The following PALS2 variants were observed in gnomAD, a reference collection of about 807,000 sequenced individuals.
The protein encoded by PALS2 is protein associated with LIN7 2, MAGUK p55 family member, also known as protein PALS2.
A neutral mutation model predicts 61.6 loss-of-function variants in PALS2; 27 were observed. The observed-to-expected ratio is 0.44, with a 90% CI of 0.32 to 0.60. The LOEUF (loss-of-function observed/expected upper bound fraction) is 0.60, where lower values mean the gene tolerates loss of function less well. Ranked by LOEUF, PALS2 falls within the 20% of genes least tolerant of loss-of-function variation. The probability of loss-of-function intolerance (pLI) is 0.05; values close to 1 mark genes in which losing one functional copy is unlikely to be tolerated. For missense variants in PALS2, 554 were observed against 639.4 expected (o/e 0.87, Z 1.44); for synonymous variants, 236 against 218.6 (o/e 1.08, Z -0.70).
chr7:24,607,568 CATATATGTGTGTATATATACAT>C (rs1327124248), intron 1 of PALS2, among the ~76,000 whole-genome samples: 2 of 139,362 alleles, frequency 1.4e-5, no homozygotes, highest in Non-Finnish European at 1.5e-5. Context: ...TGTATATATA[CATATATGTGTGTATATATACAT>C]ATATGTGTGT....
At chr7:24,646,142 A>G (rs1785820482) in intron 3 of PALS2, among the ~76,000 whole-genome samples, 1 of 152,022 alleles carries the variant, frequency 6.6e-6, no homozygotes, top group Admixed American at 6.6e-5. Flanking sequence ...GATGCCCTGT[A>G]TTTGTTTCTC....
chr7:24,583,651 ATATT>A (rs1157314448), intron 1 of PALS2, among the ~76,000 whole-genome samples: 1 of 130,594 alleles, frequency 7.7e-6, no homozygotes, highest in East Asian at 2.7e-4. Context: ...CCCATGCTAA[ATATT>A]TATTTAATTT....
At chr7:24,675,542 TC>T (rs1787527603) in intron 9 of PALS2, among the ~76,000 whole-genome samples, 2 of 80,464 alleles carry the variant, frequency 2.5e-5, no homozygotes, top group African/African-American at 9.6e-5. Context: ...CCCTCCCCCC[TC>T]CCCCCACCCC....
chr7:24,601,393 A>C (rs1783715603), intron 1 of PALS2, among the ~76,000 whole-genome samples: 1 of 152,094 alleles, frequency 6.6e-6, no homozygotes. Context: ...TTCAAAATCA[A>C]CTTTCAGTGC....
At chr7:24,657,766 G>GTA (rs1339689626) in intron 5 of PALS2, among the ~76,000 whole-genome samples, 2 of 151,928 alleles carry the variant, frequency 1.3e-5, no homozygotes, top group African/African-American at 4.8e-5. Flanking sequence ...AGAAGTCCTT[G>GTA]TATAACCTAA....
Position 24,623,705 on chromosome 7 carries a change from C to G in PALS2, c.38C>G (p.Ser13Trp). The G allele has an allele frequency of 6.2e-7, 1 of 1,607,132 alleles. No individual in the cohort carries two copies. Among genetic ancestry groups the G allele is most frequent in the Non-Finnish European group, 8.5e-7 (1 of 1,177,376 alleles). Residue 13 changes from serine (S) to tryptophan (W), a missense_variant, in exon 2 of 12, where the codon TCG becomes TGG. Transcript: ENST00000222644. ...QVLENLTELPSSTGAEEIDLI... is the reference protein window; with the variant it reads ...QVLENLTELPWSTGAEEIDLI... ...TTGGAAAACCTTACGGAGCTGCCCTCGTCTACTGGAGCAGAAGAAATAGAC... is the reference window on the plus strand; with the variant it reads ...TTGGAAAACCTTACGGAGCTGCCCTGGTCTACTGGAGCAGAAGAAATAGAC...
intron 11 of PALS2, 107 bp downstream of exon 11, chr7:24,680,627 G>C: frequency 7.4e-7 from 1 of 1,357,022 alleles, no homozygotes; most frequent in Non-Finnish European, 9.8e-7. Context: ...GCAGAGTTTT[G>C]CTTTGTCACC....
chr7:24,637,721 G>A (rs1785308600), intron 2 of PALS2, among the ~76,000 whole-genome samples: 2 of 152,094 alleles, frequency 1.3e-5, no homozygotes, highest in Admixed American at 1.3e-4. Flanking sequence ...AAGCATGGTT[G>A]GAGTGTCCTT....
intron 1 of PALS2, among the ~76,000 whole-genome samples, chr7:24,576,648 A>G (rs550047121): frequency 2.6e-5 from 4 of 152,358 alleles, no homozygotes; most frequent in Non-Finnish European, 5.9e-5. Flanking sequence ...CTTTACTTGC[A>G]TTAATCTTAG....
chr7:24,680,102 A>G (rs1177132053), intron 10 of PALS2, among the ~76,000 whole-genome samples: 1 of 152,134 alleles, frequency 6.6e-6, no homozygotes, highest in Non-Finnish European at 1.5e-5. Context: ...TTTGAGTATT[A>G]ACAGAATTCT....
At chr7:24,633,290 C>CTT (rs34178198) in intron 2 of PALS2, among the ~76,000 whole-genome samples, 1 of 135,206 alleles carries the variant, frequency 7.4e-6, no homozygotes, top group African/African-American at 2.7e-5. Flanking sequence ...TGAAAAAGTC[C>CTT]TTTTTTTTTT....
chr7:24,627,613 C>A (rs1247276613), intron 2 of PALS2, among the ~76,000 whole-genome samples: 1 of 152,030 alleles, frequency 6.6e-6, no homozygotes, highest in Non-Finnish European at 1.5e-5. Flanking sequence ...AATAGATAGA[C>A]CGCTAGCCAG....
At chr7:24,601,162 T>G (rs1387426893) in intron 1 of PALS2, among the ~76,000 whole-genome samples, 1 of 152,174 alleles carries the variant, frequency 6.6e-6, no homozygotes, top group Non-Finnish European at 1.5e-5. Flanking sequence ...ACATTTTCCT[T>G]CACCACGTAT....
chr7:24,632,578 C>G (rs1318986126), intron 2 of PALS2, among the ~76,000 whole-genome samples: 1 of 152,004 alleles, frequency 6.6e-6, no homozygotes, highest in Non-Finnish European at 1.5e-5. Flanking sequence ...TCAGTAGTGA[C>G]TGGTTTCACC....
chr7:24,586,287 C>A (rs1036473440), intron 1 of PALS2, among the ~76,000 whole-genome samples: 1 of 151,952 alleles, frequency 6.6e-6, no homozygotes, highest in Admixed American at 6.6e-5. Context: ...ACTGTAAGTT[C>A]TGAGAGAATT....
intron 9 of PALS2, among the ~76,000 whole-genome samples, chr7:24,672,196 C>CTGTTTTGTTT (rs57538997): frequency 0.018 from 2,679 of 145,172 alleles, 51 homozygotes; most frequent in East Asian, 0.066. Flanking sequence ...CTACTGCCAT[C>CTGTTTTGTTT]TGTTTTGTTT....
At chr7:24,642,048 T>A (rs529955350) in intron 3 of PALS2, among the ~76,000 whole-genome samples, 180 bp downstream of exon 3, 1 of 152,348 alleles carries the variant, frequency 6.6e-6, no homozygotes, top group African/African-American at 2.4e-5. Flanking sequence ...AAGAGACATA[T>A]GTAACAATAA....
intron 1 of PALS2, among the ~76,000 whole-genome samples, chr7:24,582,318 G>A (rs1166042351): frequency 6.6e-6 from 1 of 152,176 alleles, no homozygotes; most frequent in Admixed American, 6.5e-5. Context: ...GCTTGCTAAG[G>A]AATTGGGAAT....
intron 11 of PALS2, among the ~76,000 whole-genome samples, chr7:24,685,463 T>G (rs766927862): frequency 1.3e-5 from 2 of 152,132 alleles, no homozygotes; most frequent in Admixed American, 6.5e-5. Context: ...CATGTTAGTT[T>G]CCAGTATAAG....
Sources: allele counts gnomAD v4.1 joint callset (sites outside exome capture counted in the v4.1 genomes callset), GRCh38; gene constraint gnomAD v4.1.1; transcripts MANE v1.5; gene names NCBI Gene and HGNC (gene_info 2026-07-23, HGNC 2026-07-21).